Variants in KLF8 observed in about 807,000 individuals in gnomAD.
KLF8 encodes the protein KLF transcription factor 8, also known as Krueppel-like factor 8.
A neutral mutation model predicts 18.2 loss-of-function variants in KLF8; 10 were observed. The observed-to-expected ratio is 0.55, with a 90% CI of 0.34 to 0.93. KLF8 has a LOEUF of 0.93. Ranked by LOEUF, KLF8 falls within the 40% of genes least tolerant of loss-of-function variation. The pLI, the probability that KLF8 is intolerant of heterozygous loss-of-function variation, is 0.02. For missense variants in KLF8, 264 were observed against 277.9 expected (o/e 0.95, Z 0.36); for synonymous variants, 109 against 97.3 (o/e 1.12, Z -0.71).
At chrX:56,215,573 A>C in the KLF8 span, among the ~76,000 whole-genome samples, 1 of 109,163 alleles carries the variant, frequency 9.2e-6, no homozygotes, top group Non-Finnish European at 1.9e-5. Context: ...CTGTAATCCC[A>C]ACACTTTGGG....
the KLF8 span, among the ~76,000 whole-genome samples, chrX:56,149,671 C>A: frequency 9.0e-6 from 1 of 111,291 alleles, no homozygotes; most frequent in African/African-American, 3.3e-5. Flanking sequence ...TGTGCAGGTT[C>A]AAAATGTCTC....
chrX:56,174,399 T>C, the KLF8 span, among the ~76,000 whole-genome samples: 4 of 112,168 alleles, frequency 3.6e-5, no homozygotes, highest in East Asian at 1.1e-3. Flanking sequence ...GGATTACGTT[T>C]ATTAATTTTC....
chrX:55,919,756 T>C, the KLF8 span, among the ~76,000 whole-genome samples: 12 of 111,593 alleles, frequency 1.1e-4, no homozygotes, highest in Non-Finnish European at 2.3e-4. Context: ...GACATGCCTA[T>C]CTCTGCCCCC....
the KLF8 span, among the ~76,000 whole-genome samples, chrX:56,101,865 A>G: frequency 0.13 from 14,112 of 111,212 alleles, 1,623 homozygotes; most frequent in African/African-American, 0.37. Flanking sequence ...TGTCAGATGC[A>G]TAGTTTGCAA....
the KLF8 span, among the ~76,000 whole-genome samples, chrX:56,025,042 T>G: frequency 1.8e-5 from 2 of 112,559 alleles, no homozygotes; most frequent in African/African-American, 3.2e-5. Flanking sequence ...GGGCTGGGAA[T>G]TCATCAGGAA....
At chrX:56,054,483 G>C in the KLF8 span, among the ~76,000 whole-genome samples, 2 of 111,684 alleles carry the variant, frequency 1.8e-5, no homozygotes, top group Non-Finnish European at 3.8e-5. Flanking sequence ...TTTTGCTTTT[G>C]TTTAGGATTG....
intron 3 of KLF8, 134 bp downstream of exon 3, chrX:56,265,878 G>A (rs1298190021): frequency 9.4e-7 from 1 of 1,065,558 alleles, no homozygotes; most frequent in African/African-American, 1.9e-5. Flanking sequence ...CAAAAGTACT[G>A]TTTTTTATGT....
chrX:56,171,290 G>A, the KLF8 span, among the ~76,000 whole-genome samples: 1 of 111,579 alleles, frequency 9.0e-6, no homozygotes, highest in Non-Finnish European at 1.9e-5. Flanking sequence ...GAAGTATAGA[G>A]TTCTTATTAG....
At chrX:56,109,526 T>C in the KLF8 span, among the ~76,000 whole-genome samples, 1 of 111,749 alleles carries the variant, frequency 8.9e-6, no homozygotes, top group Non-Finnish European at 1.9e-5. Context: ...GTGTTTTCCA[T>C]GTCCTCTCTT....
chrX:56,218,034 A>G, the KLF8 span, among the ~76,000 whole-genome samples: 1 of 111,045 alleles, frequency 9.0e-6, no homozygotes, highest in African/African-American at 3.3e-5. Flanking sequence ...CCATTGCATC[A>G]GTAGCACTAG....
chrX:56,116,673 A>T, the KLF8 span, among the ~76,000 whole-genome samples: 7 of 100,744 alleles, frequency 6.9e-5, no homozygotes, highest in African/African-American at 2.5e-4. Context: ...ATATAGTGAA[A>T]TGATTCCCAC....
At chrX:56,216,203 A>G in the KLF8 span, among the ~76,000 whole-genome samples, 1 of 110,276 alleles carries the variant, frequency 9.1e-6, no homozygotes, top group South Asian at 3.9e-4. Flanking sequence ...TTATTGCTGA[A>G]GTCCTGCACC....
the KLF8 span, among the ~76,000 whole-genome samples, chrX:56,201,209 A>G: frequency 8.9e-6 from 1 of 112,270 alleles, no homozygotes; most frequent in Non-Finnish European, 1.9e-5. Context: ...AAAACAACCT[A>G]AATGTCCATT....
upstream of KLF8, among the ~76,000 whole-genome samples, chrX:56,229,542 T>C (rs529120278): frequency 2.1e-4 from 24 of 112,135 alleles, no homozygotes; most frequent in South Asian, 7.9e-3. Context: ...CCTCACACCC[T>C]TTCGTGTGAC....
chrX:56,021,033 A>AT, the KLF8 span, among the ~76,000 whole-genome samples: 1 of 112,457 alleles, frequency 8.9e-6, no homozygotes, highest in Admixed American at 9.4e-5. Flanking sequence ...CAGCATACAT[A>AT]TGAAAGAGTA....
chrX:56,035,411 T>C, the KLF8 span, among the ~76,000 whole-genome samples: 1 of 112,173 alleles, frequency 8.9e-6, no homozygotes, highest in Non-Finnish European at 1.9e-5. Flanking sequence ...CTATTGTGAA[T>C]AGTACTGCAA....
At chrX:56,164,729 C>CTTTTTTTTTTTTTTTTTTTTT in the KLF8 span, among the ~76,000 whole-genome samples, 3 of 51,918 alleles carry the variant, frequency 5.8e-5, no homozygotes, top group African/African-American at 8.6e-5. Flanking sequence ...CTTGTTATCT[C>CTTTTTTTTTTTTTTTTTTTTT]TTTTTTTTTT....
the KLF8 span, among the ~76,000 whole-genome samples, chrX:56,176,771 G>C: frequency 9.0e-6 from 1 of 111,544 alleles, no homozygotes; most frequent in Non-Finnish European, 1.9e-5. Context: ...TTTTCACATA[G>C]TCCCATATTT....
At chrX:55,950,838 C>T in the KLF8 span, among the ~76,000 whole-genome samples, 1 of 111,808 alleles carries the variant, frequency 8.9e-6, no homozygotes, top group African/African-American at 3.3e-5. Flanking sequence ...TATGTGTCTC[C>T]CACAAAGACT....
Sources: gnomAD v4.1 joint callset for allele counts (sites outside exome capture counted in the v4.1 genomes callset) on GRCh38, gnomAD v4.1.1 for gene constraint, MANE v1.5 for transcripts, NCBI Gene and HGNC (gene_info 2026-07-23, HGNC 2026-07-21) for gene names.